Variants in SLC30A8 observed in about 807,000 individuals in gnomAD.
SLC30A8 encodes the protein proton-coupled zinc antiporter SLC30A8.
Under a neutral mutation model 36.9 loss-of-function variants are expected in SLC30A8, and 27 were observed. The ratio of observed to expected loss-of-function variants is 0.73; its 90% CI spans 0.54 to 1.01. SLC30A8 has a LOEUF of 1.01. Among genes scored for constraint, SLC30A8 ranks in the 50% least tolerant of loss-of-function variants. The pLI, the probability that SLC30A8 is intolerant of heterozygous loss-of-function variation, is 0.00. For missense variants in SLC30A8, 439 were observed against 452.0 expected (o/e 0.97, Z 0.26); for synonymous variants, 164 against 172.4 (o/e 0.95, Z 0.38).
chr8:117,127,859 T>C (rs1367114379), intron 2 of SLC30A8, among the ~76,000 whole-genome samples: 4 of 152,202 alleles, frequency 2.6e-5, no homozygotes, highest in Admixed American at 6.5e-5. Flanking sequence ...TTATATACTT[T>C]AAGGATAAAA....
chr8:117,098,830 C>T (rs549351941), intron 2 of SLC30A8, among the ~76,000 whole-genome samples: 2 of 152,188 alleles, frequency 1.3e-5, no homozygotes, highest in East Asian at 3.9e-4. Flanking sequence ...TTCAGCAGAG[C>T]AGTGAATGGG....
chr8:117,098,030 TTAAA>T (rs933396586), intron 2 of SLC30A8, among the ~76,000 whole-genome samples: 21 of 132,350 alleles, frequency 1.6e-4, no homozygotes, highest in Admixed American at 6.0e-4. Context: ...AATAAATATA[TTAAA>T]TAAATATAAT....
intron 1 of SLC30A8, among the ~76,000 whole-genome samples, chr8:116,978,907 A>G (rs1815150644): frequency 6.6e-6 from 1 of 151,646 alleles, no homozygotes; most frequent in Non-Finnish European, 1.5e-5. Flanking sequence ...GAAGGGCTGT[A>G]TCTTTTTTTT....
intron 1 of SLC30A8, chr8:117,007,150 G>C (rs1202728818): frequency 1.3e-5 from 2 of 151,446 alleles, no homozygotes; most frequent in Non-Finnish European, 2.9e-5. Flanking sequence ...GTAGCACATG[G>C]TCTCAGAGGT....
intron 1 of SLC30A8, among the ~76,000 whole-genome samples, chr8:116,955,597 G>A (rs924939901): frequency 1.3e-5 from 2 of 151,984 alleles, no homozygotes; most frequent in Non-Finnish European, 2.9e-5. Context: ...AGACGTGATG[G>A]TGCATGCCTA....
intron 1 of SLC30A8, among the ~76,000 whole-genome samples, chr8:117,016,339 A>C (rs1160171794): frequency 6.6e-6 from 1 of 152,206 alleles, no homozygotes; most frequent in East Asian, 1.9e-4. Flanking sequence ...AGGTGGTTTC[A>C]AACATTCTTT....
intron 1 of SLC30A8, among the ~76,000 whole-genome samples, chr8:117,031,029 C>G (rs1326638727): frequency 6.6e-6 from 1 of 152,174 alleles, no homozygotes; most frequent in African/African-American, 2.4e-5. Flanking sequence ...TCCTGATCTT[C>G]TCGGAATTTT....
intron 2 of SLC30A8, among the ~76,000 whole-genome samples, chr8:117,040,344 G>T (rs1246650282): frequency 1.3e-5 from 2 of 152,158 alleles, no homozygotes; most frequent in African/African-American, 2.4e-5. Flanking sequence ...TTCCTTTTGG[G>T]TGAGCAAAAT....
chr8:117,084,786 T>C (rs969585996), intron 2 of SLC30A8, among the ~76,000 whole-genome samples: 2 of 152,186 alleles, frequency 1.3e-5, no homozygotes, highest in Non-Finnish European at 2.9e-5. Flanking sequence ...CTACTTAAAA[T>C]CAAGGACATC....
intron 2 of SLC30A8, among the ~76,000 whole-genome samples, chr8:117,120,747 TA>T (rs375314793): frequency 3.7e-4 from 56 of 151,358 alleles, no homozygotes; most frequent in East Asian, 1.2e-3. Flanking sequence ...AGGGAACTTC[TA>T]AAAAAAACTC....
At chr8:116,985,885 C>G (rs1026280942) in intron 1 of SLC30A8, among the ~76,000 whole-genome samples, 2 of 152,120 alleles carry the variant, frequency 1.3e-5, no homozygotes, top group Admixed American at 6.6e-5. Context: ...TCAAGGAACA[C>G]AGTTTTATTT....
chr8:116,996,977 CT>C (rs778956654), intron 1 of SLC30A8, among the ~76,000 whole-genome samples: 370 of 142,100 alleles, frequency 2.6e-3, no homozygotes, highest in Middle Eastern at 3.6e-3. Context: ...AGGAGGCATT[CT>C]TTTTTTTTTT....
intron 6 of SLC30A8, among the ~76,000 whole-genome samples, chr8:117,170,546 T>C (rs1014520524): frequency 1.3e-4 from 20 of 152,192 alleles, no homozygotes; most frequent in Non-Finnish European, 5.9e-5. Context: ...TGATTAGATA[T>C]TTTCTGAATT....
At chr8:117,156,282 A>C (rs568910874) in intron 3 of SLC30A8, among the ~76,000 whole-genome samples, 17 of 152,140 alleles carry the variant, frequency 1.1e-4, no homozygotes, top group Non-Finnish European at 1.5e-4. Flanking sequence ...ACCTCAGGCA[A>C]TCCGCTTGCT....
intron 4 of SLC30A8, among the ~76,000 whole-genome samples, chr8:117,159,694 C>T (rs766319201): frequency 5.3e-5 from 8 of 152,160 alleles, no homozygotes; most frequent in East Asian, 1.9e-4. Flanking sequence ...TTGCTGACTA[C>T]GGGTCAATAA....
chr8:116,990,337 A>T (rs4132473), intron 1 of SLC30A8, among the ~76,000 whole-genome samples: 1 of 151,910 alleles, frequency 6.6e-6, no homozygotes, highest in South Asian at 2.1e-4. Flanking sequence ...ATAGCTCTAC[A>T]GTGGAGGAAT....
chr8:117,158,707 T>G (rs1822627779), intron 4 of SLC30A8, among the ~76,000 whole-genome samples: 1 of 152,210 alleles, frequency 6.6e-6, no homozygotes, highest in African/African-American at 2.4e-5. Flanking sequence ...AGGACTTTGA[T>G]TTTTTTGAGT....
intron 1 of SLC30A8, among the ~76,000 whole-genome samples, chr8:117,009,436 T>C (rs1040671781): frequency 1.3e-5 from 2 of 152,192 alleles, no homozygotes; most frequent in African/African-American, 4.8e-5. Context: ...GGTGAACAAA[T>C]TGCTCTTTGT....
intron 2 of SLC30A8, among the ~76,000 whole-genome samples, chr8:117,099,294 G>C (rs1446039998): frequency 6.6e-6 from 1 of 151,998 alleles, no homozygotes; most frequent in Non-Finnish European, 1.5e-5. Context: ...ATCTCTGAAT[G>C]GCTGGCTTCT....
Sources: gnomAD v4.1 joint callset for allele counts (sites outside exome capture counted in the v4.1 genomes callset) on GRCh38, gnomAD v4.1.1 for gene constraint, MANE v1.5 for transcripts, NCBI Gene and HGNC (gene_info 2026-07-23, HGNC 2026-07-21) for gene names.